ENTREP1: variants seen among roughly 807,000 people sequenced by gnomAD.
ENTREP1 encodes Friedreich ataxia region gene X123.
At chr9:69,383,405 C>CAGGGTTTAA in the ENTREP1 span, 1 of 1,356,038 alleles carries the variant, frequency 7.4e-7, no homozygotes, top group South Asian at 1.6e-5. Context: ...GGTTTAAAAG[C>CAGGGTTTAA]AATGATGGGG....
chr9:69,339,217 C>T, the ENTREP1 span, among the ~76,000 whole-genome samples: 126 of 152,064 alleles, frequency 8.3e-4, no homozygotes, highest in African/African-American at 2.8e-3. Flanking sequence ...ATGGGAGTCT[C>T]GCAACATTAC....
At chr9:69,383,002 T>C in the ENTREP1 span, 2 of 983,158 alleles carry the variant, frequency 2.0e-6, no homozygotes, top group African/African-American at 1.7e-5. Context: ...TGGGCAGAGA[T>C]TTGTGGAATT....
chr9:69,366,048 A>G, the ENTREP1 span, among the ~76,000 whole-genome samples: 1 of 152,192 alleles, frequency 6.6e-6, no homozygotes, highest in Non-Finnish European at 1.5e-5. Context: ...AATATCCAGT[A>G]GTGGGATTAC....
At chr9:69,363,774 C>T in the ENTREP1 span, among the ~76,000 whole-genome samples, 1 of 152,148 alleles carries the variant, frequency 6.6e-6, no homozygotes, top group Non-Finnish European at 1.5e-5. Flanking sequence ...TCACTGGAGA[C>T]CAGAGGGCAG....
chr9:69,361,600 T>A, the ENTREP1 span, among the ~76,000 whole-genome samples: 1 of 152,368 alleles, frequency 6.6e-6, no homozygotes, highest in East Asian at 1.9e-4. Flanking sequence ...CATTCTTGTC[T>A]ATGTTTTTTT....
the ENTREP1 span, among the ~76,000 whole-genome samples, chr9:69,355,661 C>T: frequency 7.2e-4 from 110 of 152,250 alleles, 1 homozygote; most frequent in East Asian, 0.012. Context: ...TTTTGTGAAT[C>T]GACAGGATTC....
chr9:69,329,210 T>C, the ENTREP1 span: 1 of 227,368 alleles, frequency 4.4e-6, no homozygotes, highest in Non-Finnish European at 7.3e-6. Flanking sequence ...ATTTCAAGCT[T>C]TGACCATTAG....
the ENTREP1 span, among the ~76,000 whole-genome samples, chr9:69,335,477 A>AGG: frequency 1.3e-5 from 2 of 152,306 alleles, no homozygotes; most frequent in South Asian, 4.2e-4. Context: ...CAAATAGCCC[A>AGG]GGGATGTCAG....
the ENTREP1 span, among the ~76,000 whole-genome samples, chr9:69,338,565 G>A: frequency 6.6e-6 from 1 of 152,148 alleles, no homozygotes; most frequent in Non-Finnish European, 1.5e-5. Context: ...GTAAGCTTGA[G>A]CAGCCTTAAA....
the ENTREP1 span, among the ~76,000 whole-genome samples, chr9:69,349,209 A>G: frequency 6.8e-6 from 1 of 147,830 alleles, no homozygotes; most frequent in Non-Finnish European, 1.5e-5. Context: ...AAAAAAAAAA[A>G]AAGAGAAAAA....
chr9:69,330,990 A>G, the ENTREP1 span, among the ~76,000 whole-genome samples: 1 of 152,072 alleles, frequency 6.6e-6, no homozygotes, highest in African/African-American at 2.4e-5. Flanking sequence ...GTAGGACATT[A>G]TAGTTACCAT....
At chr9:69,356,019 T>C in the ENTREP1 span, among the ~76,000 whole-genome samples, 1 of 152,216 alleles carries the variant, frequency 6.6e-6, no homozygotes, top group Non-Finnish European at 1.5e-5. Flanking sequence ...CATTTTAAAG[T>C]GTACGTTTAG....
the ENTREP1 span, among the ~76,000 whole-genome samples, chr9:69,358,502 T>C: frequency 6.6e-6 from 1 of 152,194 alleles, no homozygotes; most frequent in South Asian, 2.1e-4. Flanking sequence ...GAGAAAAGCA[T>C]TTTTTAACAT....
the ENTREP1 span, chr9:69,371,659 C>A: frequency 8.1e-7 from 1 of 1,240,062 alleles, no homozygotes; most frequent in Non-Finnish European, 1.2e-6. Context: ...CCTGGCTTGT[C>A]AGGTGTTCCT....
At chr9:69,388,110 T>G in the ENTREP1 span, 2 of 1,613,582 alleles carry the variant, frequency 1.2e-6, no homozygotes, top group Non-Finnish European at 1.7e-6. Context: ...AGGCATATGT[T>G]CAAAAGGGGT....
At chr9:69,348,470 A>G in the ENTREP1 span, among the ~76,000 whole-genome samples, 1 of 152,142 alleles carries the variant, frequency 6.6e-6, no homozygotes, top group East Asian at 1.9e-4. Context: ...AAAAATTCAC[A>G]CATTTAAAGT....
chr9:69,354,148 T>A, the ENTREP1 span, among the ~76,000 whole-genome samples: 1 of 152,084 alleles, frequency 6.6e-6, no homozygotes, highest in East Asian at 1.9e-4. Flanking sequence ...GTATTTTTTT[T>A]ATAATTGGTT....
the ENTREP1 span, among the ~76,000 whole-genome samples, chr9:69,340,664 TGCGTGTGTGTGTGCATGC>T: frequency 9.5e-6 from 1 of 104,826 alleles, no homozygotes; most frequent in Admixed American, 9.3e-5. Flanking sequence ...TGTGTGTGTG[TGCGTGTGTGTGTGCATGC>T]ATGTGTGTGT....
chr9:69,368,340 A>G, the ENTREP1 span, among the ~76,000 whole-genome samples: 6 of 152,016 alleles, frequency 3.9e-5, no homozygotes, highest in Non-Finnish European at 8.8e-5. Context: ...TTTTTCATTT[A>G]TGGTCCTTAT....
Sources: allele counts gnomAD v4.1 joint callset (sites outside exome capture counted in the v4.1 genomes callset), GRCh38; gene constraint gnomAD v4.1.1; transcripts MANE v1.5; gene names NCBI Gene and HGNC (gene_info 2026-07-23, HGNC 2026-07-21).